SLC26A5: variants seen among roughly 807,000 people sequenced by gnomAD.
SLC26A5 encodes solute carrier family 26 member 5.
Under a neutral mutation model 81.0 loss-of-function variants are expected in SLC26A5, and 51 were observed. The ratio of observed to expected loss-of-function variants is 0.63; its 90% CI spans 0.50 to 0.80. The LOEUF (loss-of-function observed/expected upper bound fraction) is 0.80. SLC26A5 is among the 30% of genes least tolerant of loss of function. SLC26A5 has a pLI of 0.00. For missense variants in SLC26A5, 771 were observed against 905.8 expected (o/e 0.85, Z 1.91); for synonymous variants, 325 against 332.8 (o/e 0.98, Z 0.25).
rs528764101 is a variant in SLC26A5 at position 103,359,203 on chromosome 7, G to T, written c.2042-6277C>A. Among the ~76,000 whole-genome samples the T allele has an allele frequency of 6.0e-5, 7 of 116,794 alleles. No homozygotes were observed. The Admixed American group carries it at 6.2e-4, about 10-fold the overall frequency. The allele number at this position is 116,794 out of a possible 152,430, so 76.6% of individuals were successfully genotyped here. A position where few individuals can be genotyped will look rare whatever the true frequency, so the allele number is the denominator to read the frequency against. ...AGTAGAGACAGGGTCTTGCCATGTT[G>T]CCTGGGCTGCTCTTGAACTCCTAGG... On this transcript the variant is annotated intron_variant, in intron 19 of 19. Transcript: ENST00000339444.
rs370172282 is a variant in SLC26A5, at chr7:103,357,116, A to C, written c.2042-4190T>G. On this transcript the variant is annotated intron_variant, in intron 19 of 19. Transcript: ENST00000339444. ...CCAGGCAGGCAGATGACTTGAGGTC[A>C]GGAGTTCAAGACCAGCCTGGTCAAC... 3.3e-5 allele frequency among the ~76,000 whole-genome samples: 5 copies of C among 152,256 alleles called. No homozygotes were observed. In the East Asian group the frequency reaches 7.7e-4, roughly 24 times the overall value.
At chr7:103,386,046 G>C (rs1448770698) in intron 14 of SLC26A5, among the ~76,000 whole-genome samples, 1 of 151,728 alleles carries the variant, frequency 6.6e-6, no homozygotes, top group Non-Finnish European at 1.5e-5. Flanking sequence ...TCCTGCCTCA[G>C]CCTCCTCAGT....
intron 3 of SLC26A5, 130 bp from the exon 4 acceptor site, chr7:103,421,007 T>C (rs1022774391): frequency 9.9e-7 from 1 of 1,007,840 alleles, no homozygotes; most frequent in Admixed American, 1.9e-5. Context: ...TGATTCAAGA[T>C]GTTGCCAAAC....
At chr7:103,431,227 A>G (rs1260219387) in intron 2 of SLC26A5, among the ~76,000 whole-genome samples, 7 of 152,194 alleles carry the variant, frequency 4.6e-5, no homozygotes, top group Non-Finnish European at 1.0e-4. Flanking sequence ...TAAAATTGCA[A>G]GTATTATGAA....
At chr7:103,414,184 C>T (rs12539198) in intron 4 of SLC26A5, among the ~76,000 whole-genome samples, 2 of 128,256 alleles carry the variant, frequency 1.6e-5, no homozygotes, top group Admixed American at 8.2e-5. Context: ...GAAGTTTTGC[C>T]CCCCCCTTTT....
chr7:103,400,615 G>C (rs1050297502), intron 8 of SLC26A5, among the ~76,000 whole-genome samples: 2 of 152,110 alleles, frequency 1.3e-5, no homozygotes, highest in Non-Finnish European at 2.9e-5. Context: ...CATTGCTTTT[G>C]GTGTTTTAGT....
At chr7:103,382,906 T>C (rs1821914636) in intron 14 of SLC26A5, among the ~76,000 whole-genome samples, 1 of 152,238 alleles carries the variant, frequency 6.6e-6, no homozygotes, top group African/African-American at 2.4e-5. Context: ...TCAAGGTCTT[T>C]GATTTGACAT....
chr7:103,430,432 T>C (rs998528393), intron 2 of SLC26A5, among the ~76,000 whole-genome samples: 2 of 152,200 alleles, frequency 1.3e-5, no homozygotes, highest in African/African-American at 4.8e-5. Context: ...AAGCTTTCTG[T>C]ACCCTAATTT....
chr7:103,430,124 C>T (rs549893230), intron 2 of SLC26A5, among the ~76,000 whole-genome samples: 13 of 150,322 alleles, frequency 8.6e-5, no homozygotes, highest in Non-Finnish European at 1.6e-4. Context: ...TGTAACCCAC[C>T]CTAAAGTGCG....
Position 103,388,896 on chromosome 7 carries a change from T to C in SLC26A5, c.1514+112A>G, listed in dbSNP as rs1004575493. On this transcript the variant is annotated intron_variant, in intron 14 of 19. Transcript: ENST00000306312. ...TGTTATAGCTCCCTCTCACGCTAACTAGAAATCATCAAAGGGCTCCACTTC... is the reference window on the plus strand; with the variant it reads ...TGTTATAGCTCCCTCTCACGCTAACCAGAAATCATCAAAGGGCTCCACTTC... The C allele has an allele frequency of 5.9e-5, 45 of 762,188 alleles. No homozygotes were observed. The Admixed American group carries it at 8.7e-4, about 15-fold the overall frequency. 47.2% of individuals were successfully genotyped at this position (762,188 alleles called of 1,614,324 possible). A position where few individuals can be genotyped will look rare whatever the true frequency, so the allele number is the denominator to read the frequency against.
chr7:103,417,368 C>CA (rs527355678), intron 4 of SLC26A5, among the ~76,000 whole-genome samples: 2,361 of 65,170 alleles, frequency 0.036, 65 homozygotes, highest in African/African-American at 0.098. Context: ...GACTCTGTCT[C>CA]AAAAAAAAAA....
At chr7:103,380,426 A>G in intron 15 of SLC26A5, 54 bp downstream of exon 15, 1 of 1,444,126 alleles carries the variant, frequency 6.9e-7, no homozygotes, top group Non-Finnish European at 9.8e-7. Flanking sequence ...AACAGTACTT[A>G]GCCAAGCACA....
intron 2 of SLC26A5, among the ~76,000 whole-genome samples, chr7:103,424,368 A>G (rs1825573857): frequency 6.6e-6 from 1 of 152,170 alleles, no homozygotes; most frequent in East Asian, 1.9e-4. Context: ...CTTTGAGACA[A>G]TATCATACTC....
At chr7:103,382,182 A>AGGAGAG (rs1347437511) in intron 14 of SLC26A5, among the ~76,000 whole-genome samples, 1 of 152,184 alleles carries the variant, frequency 6.6e-6, no homozygotes, top group East Asian at 1.9e-4. Context: ...ACTCTAAAGT[A>AGGAGAG]GGAGAGGGAA....
chr7:103,398,845 C>T (rs188295700), intron 8 of SLC26A5, among the ~76,000 whole-genome samples: 2 of 152,166 alleles, frequency 1.3e-5, no homozygotes, highest in African/African-American at 4.8e-5. Context: ...CCTGGGAGAC[C>T]AGGGGCATGG....
chr7:103,374,352 G>T lies in SLC26A5; in HGVS notation c.*47C>A. 1.2e-6 allele frequency: 2 copies of T among 1,609,338 alleles called. No individual in the cohort carries two copies. The highest frequency in any genetic ancestry group is 2.2e-5 in the South Asian group (2 of 90,390). On this transcript the variant is annotated 3_prime_UTR_variant, in exon 20 of 20. Transcript: ENST00000306312. ...CTAGTATTTAAAACGTGTAAATTATGAACTTCATGAGAGGCTTATAACCCC... is the reference window on the plus strand; with the variant it reads ...CTAGTATTTAAAACGTGTAAATTATTAACTTCATGAGAGGCTTATAACCCC...
chr7:103,374,443 C>G lies in SLC26A5; in HGVS notation c.2191G>C (p.Glu731Gln). 1 of 1,612,872 alleles carries G rather than the reference C, an allele frequency of 6.2e-7. No individual in the cohort carries two copies. Among genetic ancestry groups the G allele is most frequent in the Non-Finnish European group, 8.5e-7 (1 of 1,180,006 alleles). ...GGAGTGGCATTGGGCTCCAAGTCCT[C>G]CTGGGAAGGGGGAGCCGAGGCTTCC... ...EQEASAPPSQ[E>Q]DLEPNATPAT... The change falls in exon 20 of 20, where the codon GAG becomes CAG. Residue 731 changes from glutamate to glutamine, a missense_variant. Transcript: ENST00000306312.
chr7:103,392,943 A>G lies in SLC26A5; in HGVS notation c.1095T>C (p.His365=). The part of the protein sequence containing the change: ...ISMAKTLANK[H]GYQVDGNQEL... The stretch of plus-strand genomic sequence containing the variant: ...CCTGATTGCCGTCAACCTGGTAGCC[A>G]TGTTTATTTGCTAAGGTCTTGGCCA... The change falls in exon 10 of 20, where the codon CAT becomes CAC. Residue 365 remains histidine, a synonymous_variant. Transcript: ENST00000306312. The G allele has an allele frequency of 1.2e-6, 2 of 1,614,048 alleles. No individual in the cohort carries two copies. The highest frequency in any genetic ancestry group is 8.5e-7 in the Non-Finnish European group (1 of 1,179,908).
chr7:103,395,321 C>A (rs1165283624), intron 9 of SLC26A5, among the ~76,000 whole-genome samples: 1 of 146,992 alleles, frequency 6.8e-6, no homozygotes, highest in East Asian at 2.0e-4. Flanking sequence ...CTCTGGATAG[C>A]CTGTTTCCAG....
Sources: allele counts gnomAD v4.1 joint callset (sites outside exome capture counted in the v4.1 genomes callset), GRCh38; gene constraint gnomAD v4.1.1; transcripts MANE v1.5; gene names NCBI Gene and HGNC (gene_info 2026-07-23, HGNC 2026-07-21).